DPM2: variants seen among roughly 807,000 people sequenced by gnomAD.
The protein encoded by DPM2 is dolichol phosphate-mannose biosynthesis regulatory protein.
DPM2 carries 8 observed loss-of-function variants against 12.1 expected under a neutral mutation model. The observed-to-expected ratio is 0.66, with a 90% confidence interval of 0.39 to 1.19. DPM2 has a LOEUF of 1.19. Ranked by LOEUF, DPM2 falls within the 50% of genes most tolerant of loss-of-function variation. The pLI is 0.01. For synonymous variants in DPM2, 38 were observed against 44.7 expected (o/e 0.85, Z 0.60); for missense variants, 93 against 102.5 (o/e 0.91, Z 0.40).
Position 127,935,674 on chromosome 9 carries a change from T to A in DPM2, c.*48A>T. ...AGGCTCCCCCACTTGGTCCCTGTGC[T>A]GGAGGGGAAGCAGAGAAGGGGCTGG... On this transcript the variant is annotated 3_prime_UTR_variant, in exon 4 of 4. Coordinates refer to ENST00000314392, the MANE Select transcript of DPM2 (RefSeq NM_003863.4). 1 of 1,603,828 alleles carries A rather than the reference T, an allele frequency of 6.2e-7. No homozygotes were observed. The highest frequency in any genetic ancestry group is 8.5e-7 in the Non-Finnish European group (1 of 1,172,264).
At chr9:127,937,568 C>T in intron 1 of DPM2, 45 bp from the exon 2 acceptor site, 2 of 1,523,696 alleles carry the variant, frequency 1.3e-6, no homozygotes, top group South Asian at 1.1e-5. Context: ...CCCTCTATTT[C>T]GGCGCACTAA....
intron 3 of DPM2, chr9:127,936,319 G>C: frequency 6.8e-7 from 1 of 1,475,674 alleles, no homozygotes; most frequent in Admixed American, 2.5e-5. Context: ...TGTGAGCAGA[G>C]TGATGATGGG....
chr9:127,936,461 G>A, intron 3 of DPM2, 92 bp downstream of exon 3: 1 of 1,611,066 alleles, frequency 6.2e-7, no homozygotes, highest in South Asian at 1.1e-5. Flanking sequence ...GGGGCAAGCA[G>A]CTTCCAGCAC....
In DPM2 at chr9:127,936,674, C is replaced by A. The variant is rs760505582; in HGVS notation, c.94-19G>T. On this transcript the variant is annotated intron_variant, in intron 2 of 3. Transcript: ENST00000314392. ...TGAATGGCTGGCATCGAGGGAAGAG[C>A]TCTGGTGTGTCTTGCTTGCCTTGCC... is the stretch of plus-strand genomic sequence containing the variant. 2 of 1,483,966 alleles carry A rather than the reference C, an allele frequency of 1.3e-6. No homozygotes were observed. Among genetic ancestry groups the A allele is most frequent in the Non-Finnish European group, 1.8e-6 (2 of 1,118,154 alleles). The allele number at this position is 1,483,966 out of a possible 1,614,324, so 91.9% of individuals were successfully genotyped here. A position where few individuals can be genotyped will look rare whatever the true frequency, so the allele number is the denominator to read the frequency against.
At position 127,936,671 on chromosome 9, in the gene DPM2, G is replaced by A; in HGVS notation, c.94-16C>T. 6.7e-7 allele frequency: 1 copy of A among 1,482,572 alleles called. No homozygotes were observed. The highest frequency in any genetic ancestry group is 8.9e-7 in the Non-Finnish European group (1 of 1,117,636). The allele number at this position is 1,482,572 out of a possible 1,614,324, so 91.8% of individuals were successfully genotyped here. A position where few individuals can be genotyped will look rare whatever the true frequency, so the allele number is the denominator to read the frequency against. ...CGATGAATGGCTGGCATCGAGGGAA[G>A]AGCTCTGGTGTGTCTTGCTTGCCTT... On this transcript the variant is annotated splice_polypyrimidine_tract_variant and intron_variant, in intron 2 of 3. Transcript: ENST00000314392.
intron 2 of DPM2, 152 bp downstream of exon 2, chr9:127,937,282 A>C: frequency 1.7e-6 from 1 of 587,846 alleles, no homozygotes; most frequent in Non-Finnish European, 3.0e-6. Context: ...AAAATGCGGT[A>C]CCACTGGCAT....
intron 2 of DPM2, chr9:127,937,040 C>G (rs41276216): frequency 0.077 from 21,336 of 277,638 alleles, 981 homozygotes; most frequent in Non-Finnish European, 0.095. Flanking sequence ...CTTCCAGACA[C>G]ACTGCACTTC....
rs867211115 is a variant in DPM2, at chr9:127,937,823, C to A, written c.-3G>T. On this transcript the variant is annotated 5_prime_UTR_variant, in exon 1 of 4. Transcript: ENST00000314392. The stretch of plus-strand genomic sequence containing the variant: ...GCACACGGTGCCAATCTCACCATTT[C>A]CCCGCGCGCTCAGCCACCCGAGCCG... 1.2e-6 allele frequency: 2 copies of A among 1,604,240 alleles called. No individual in the cohort carries two copies. The highest frequency in any genetic ancestry group is 1.7e-4 in the Middle Eastern group (1 of 6,054).
At chr9:127,936,386 G>C (rs1831504976) in intron 3 of DPM2, 167 bp downstream of exon 3, 11 of 1,552,630 alleles carry the variant, frequency 7.1e-6, no homozygotes, top group Non-Finnish European at 9.6e-6. Flanking sequence ...TGGGGCACCA[G>C]GAAACCCAGA....
At chr9:127,937,646 T>TCC (rs2131650010) in intron 1 of DPM2, 123 bp from the exon 2 acceptor site, 1 of 1,195,728 alleles carries the variant, frequency 8.4e-7, no homozygotes, top group South Asian at 1.3e-5. Flanking sequence ...GAGGGCTGAC[T>TCC]AGGGATCAGT....
At chr9:127,936,113 C>T (rs1831500513) in intron 3 of DPM2, 2 of 650,282 alleles carry the variant, frequency 3.1e-6, no homozygotes, top group Non-Finnish European at 5.1e-6. Context: ...CCTCACCCAC[C>T]CACCCATCCA....
chr9:127,935,801 A>G (rs763247539), intron 3 of DPM2, 21 bp from the exon 4 acceptor site: 5 of 1,612,128 alleles, frequency 3.1e-6, no homozygotes, highest in Non-Finnish European at 4.2e-6. Flanking sequence ...CAGACCAGAA[A>G]GGCCACATAA....
chr9:127,937,382 G>T, intron 2 of DPM2, 52 bp downstream of exon 2: 2 of 1,458,012 alleles, frequency 1.4e-6, no homozygotes, highest in Non-Finnish European at 1.9e-6. Context: ...TAGTTGCTCT[G>T]GCGGTGCCAG....
chr9:127,937,620 C>A, intron 1 of DPM2, 97 bp from the exon 2 acceptor site: 2 of 1,259,600 alleles, frequency 1.6e-6, no homozygotes, highest in East Asian at 2.4e-5. Flanking sequence ...CTAAGCTTCC[C>A]ATTCAACAGA....
At chr9:127,937,680 G>C (rs999778811) in intron 1 of DPM2, 138 bp downstream of exon 1, 1 of 1,279,962 alleles carries the variant, frequency 7.8e-7, no homozygotes, top group Non-Finnish European at 1.1e-6. Flanking sequence ...GAGAATGCTA[G>C]GCCTCCGCGT....
chr9:127,936,570 A>T lies in DPM2; in HGVS notation c.179T>A (p.Leu60Gln). The T allele has an allele frequency of 6.3e-7, 1 of 1,582,298 alleles. No individual in the cohort carries two copies. The highest frequency in any genetic ancestry group is 8.6e-7 in the Non-Finnish European group (1 of 1,160,692). The change falls in exon 3 of 4, where the codon CTG (leucine) becomes CAG (glutamine). Residue 60 changes from leucine to glutamine, a missense_variant. By Grantham distance (113) the Leu-to-Gln change is moderately radical (BLOSUM62 -2). Coordinates refer to ENST00000314392, the MANE Select transcript of DPM2 (RefSeq NM_003863.4). ...TGACTTACCCACAAACAGGAGCAGCAGGAGGCCTGCAGCCAGTGGGATGGC... is the reference window on the plus strand; with the variant it reads ...TGACTTACCCACAAACAGGAGCAGCTGGAGGCCTGCAGCCAGTGGGATGGC... ...AVAIPLAAGL[L>Q]LLLFVGLFIS...
chr9:127,937,825 CCGCG>C lies in DPM2; in HGVS notation c.-9_-6del, dbSNP rs1564141864. ...ACACGGTGCCAATCTCACCATTTCCCCGCGCGCTCAGCCACCCGAGCCGCAAGCC... is the reference window on the plus strand; with the variant it reads ...ACACGGTGCCAATCTCACCATTTCCCCGCTCAGCCACCCGAGCCGCAAGCC... On this transcript the variant is annotated 5_prime_UTR_variant, in exon 1 of 4. Transcript: ENST00000314392. The C allele has an allele frequency of 1.9e-6, 3 of 1,603,730 alleles. No homozygotes were observed. In the East Asian group the frequency reaches 6.7e-5, roughly 36 times the overall value.
intron 2 of DPM2, 63 bp from the exon 3 acceptor site, chr9:127,936,718 G>A (rs1588689860): frequency 5.1e-6 from 7 of 1,381,758 alleles, no homozygotes; most frequent in African/African-American, 1.5e-5. Flanking sequence ...AAGCCCAAAC[G>A]TCCCACCTCC....
intron 3 of DPM2, 91 bp downstream of exon 3, chr9:127,936,462 C>G: frequency 2.5e-6 from 4 of 1,610,868 alleles, no homozygotes; most frequent in Non-Finnish European, 3.4e-6. Flanking sequence ...GGGCAAGCAG[C>G]TTCCAGCACC....
Sources: allele counts gnomAD v4.1 joint callset, GRCh38; gene constraint gnomAD v4.1.1; transcripts MANE v1.5; gene names NCBI Gene and HGNC (gene_info 2026-07-23, HGNC 2026-07-21).